Variants in ANKHD1 observed in about 807,000 individuals in gnomAD.
ANKHD1 encodes the protein ankyrin repeat and KH domain-containing protein 1.
Under a neutral mutation model 230.5 loss-of-function variants are expected in ANKHD1, and 31 were observed. That is an observed-to-expected ratio of 0.13 (90% CI 0.10 to 0.18). The LOEUF (loss-of-function observed/expected upper bound fraction) is 0.18, where lower values mean the gene tolerates loss of function less well. ANKHD1 is among the 10% of genes least tolerant of loss of function. ANKHD1 has a pLI of 1.00. For missense variants in ANKHD1, 2,256 were observed against 3,071.3 expected, an observed-to-expected ratio of 0.73 and a Z score of 6.27; for synonymous variants, 1,074 against 1,117.6, an observed-to-expected ratio of 0.96 and a Z score of 0.78.
intron 7 of ANKHD1, among the ~76,000 whole-genome samples, chr5:140,455,368 G>C (rs1775092989): frequency 6.6e-6 from 1 of 152,168 alleles, no homozygotes; most frequent in Non-Finnish European, 1.5e-5. Flanking sequence ...ATTTTATGAG[G>C]CCAGCATCAT....
intron 2 of ANKHD1, among the ~76,000 whole-genome samples, chr5:140,437,700 C>T (rs144311044): frequency 9.9e-4 from 150 of 152,088 alleles, no homozygotes; most frequent in African/African-American, 3.5e-3. Context: ...AGCAAGACTC[C>T]GTCTCAAAAA....
At position 140,510,087 on chromosome 5, in the gene ANKHD1, A is replaced by G. The variant is rs1404183012; in HGVS notation, c.4010A>G (p.His1337Arg). ...CTTTGGCTGGCATCCAATGGAGGTCATTTTGATGTTGTGCAGTTGCTAGTG... is the reference window on the plus strand; with the variant it reads ...CTTTGGCTGGCATCCAATGGAGGTCGTTTTGATGTTGTGCAGTTGCTAGTG... ...TPLWLASNGG[H>R]FDVVQLLVQA... Residue 1337 changes from histidine to arginine, a missense_variant, in exon 22 of 34, where the codon CAT (histidine) becomes CGT (arginine). Physicochemically the swap from His to Arg is conservative, Grantham distance 29. Transcript: ENST00000360839. The G allele has an allele frequency of 1.9e-5, 30 of 1,614,164 alleles. No homozygotes were observed. Among genetic ancestry groups the G allele is most frequent in the Non-Finnish European group, 2.5e-5 (30 of 1,180,030 alleles).
intron 5 of ANKHD1, among the ~76,000 whole-genome samples, chr5:140,444,090 C>G (rs199806030): frequency 1.6e-4 from 10 of 62,624 alleles, no homozygotes; most frequent in South Asian, 7.0e-4. Flanking sequence ...CCCCCCCCCC[C>G]TTTTTTTTTT....
intron 15 of ANKHD1, among the ~76,000 whole-genome samples, chr5:140,499,652 G>A (rs987985875): frequency 2.6e-5 from 4 of 152,038 alleles, no homozygotes; most frequent in South Asian, 2.1e-4. Flanking sequence ...TGTTTGATAC[G>A]TGTCATACAT....
intron 1 of ANKHD1, among the ~76,000 whole-genome samples, chr5:140,422,542 T>A (rs966216943): frequency 6.6e-6 from 1 of 151,998 alleles, no homozygotes; most frequent in Non-Finnish European, 1.5e-5. Flanking sequence ...AAGACATCAG[T>A]CTTCCAGCAC....
intron 25 of ANKHD1, 56 bp downstream of exon 25, chr5:140,524,296 A>G: frequency 6.7e-7 from 1 of 1,497,902 alleles, no homozygotes; most frequent in Non-Finnish European, 8.8e-7. Flanking sequence ...TATCAACTTC[A>G]TTTTGAGTGC....
intron 1 of ANKHD1, among the ~76,000 whole-genome samples, chr5:140,426,830 G>C (rs866654507): frequency 3.9e-5 from 6 of 152,200 alleles, no homozygotes; most frequent in Admixed American, 6.5e-5. Flanking sequence ...CATAGGGTTG[G>C]GGGCAAGGTC....
In ANKHD1 at chr5:140,513,493, A is replaced by G; in HGVS notation, c.4317+14A>G. ...GATCTGGAAAAGGTGAGTGGGAAAA[A>G]TAATTTTCCTTTTTAGAAATTATTG... On this transcript the variant is annotated intron_variant, in intron 24 of 33. Transcript: ENST00000360839. 1 of 1,609,538 alleles carries G rather than the reference A, an allele frequency of 6.2e-7. No individual in the cohort carries two copies. The highest frequency in any genetic ancestry group is 8.5e-7 in the Non-Finnish European group (1 of 1,177,880).
intron 1 of ANKHD1, among the ~76,000 whole-genome samples, chr5:140,427,602 CG>C (rs1772604615): frequency 1.4e-5 from 2 of 139,732 alleles, no homozygotes; most frequent in African/African-American, 5.3e-5. Context: ...GGGGGGCTGA[CG>C]CCCCCACCTC....
chr5:140,407,288 C>G (rs1275722374), intron 1 of ANKHD1, among the ~76,000 whole-genome samples: 2 of 111,448 alleles, frequency 1.8e-5, no homozygotes, highest in African/African-American at 3.2e-5. Context: ...GAGTGAGACT[C>G]CATCTCCAAA....
chr5:140,421,923 A>C (rs1772014206), intron 1 of ANKHD1, among the ~76,000 whole-genome samples: 1 of 152,212 alleles, frequency 6.6e-6, no homozygotes, highest in African/African-American at 2.4e-5. Context: ...TTAGAATTAT[A>C]TGATGATATA....
In ANKHD1 at chr5:140,526,995, T is replaced by C. The variant is rs1233379852; in HGVS notation, c.5008T>C (p.Ser1670Pro). 6.2e-7 allele frequency: 1 copy of C among 1,613,772 alleles called. No homozygotes were observed. Among genetic ancestry groups the C allele is most frequent in the South Asian group, 1.1e-5 (1 of 91,052 alleles). Reference sequence around the variant, plus strand: ...CAAGACAGTGTCATTGCCATTAAGCTCTCCAAACATAAAGCTGAATCTCAC... The same window carrying C: ...CAAGACAGTGTCATTGCCATTAAGCCCTCCAAACATAAAGCTGAATCTCAC... Reference protein sequence around the residue: ...SYKTVSLPLSSPNIKLNLTSP... With the variant: ...SYKTVSLPLSPPNIKLNLTSP... The change falls in exon 27 of 34, where the codon TCT (serine) becomes CCT (proline). Residue 1670 changes from serine to proline, a missense_variant. Around this residue, in one of 13 missense-constraint regions of ANKHD1, gnomAD observed 212 missense variants for 257.3 expected, o/e 0.82. Transcript: ENST00000360839.
chr5:140,486,638 G>A (rs762448204), intron 13 of ANKHD1: 7 of 167,060 alleles, frequency 4.2e-5, no homozygotes, highest in Non-Finnish European at 9.0e-5. Context: ...TTTGAACAAG[G>A]GTAAATTGGC....
intron 10 of ANKHD1, among the ~76,000 whole-genome samples, chr5:140,478,289 A>G (rs1751074781): frequency 1.3e-5 from 2 of 151,886 alleles, no homozygotes; most frequent in African/African-American, 4.8e-5. Context: ...ATGAAGAGTG[A>G]AATTAAAAGC....
chr5:140,479,348 A>G (rs545141949), intron 10 of ANKHD1, among the ~76,000 whole-genome samples: 1 of 152,182 alleles, frequency 6.6e-6, no homozygotes, highest in African/African-American at 2.4e-5. Flanking sequence ...ACAGAAAAAG[A>G]AACATTAAAC....
chr5:140,454,195 AC>A (rs1203111512), intron 7 of ANKHD1, among the ~76,000 whole-genome samples: 1 of 152,210 alleles, frequency 6.6e-6, no homozygotes, highest in Non-Finnish European at 1.5e-5. Flanking sequence ...ATACAGGAGC[AC>A]CCAGATTCAT....
At chr5:140,402,938 A>G (rs1386776205) in intron 1 of ANKHD1, among the ~76,000 whole-genome samples, 2 of 148,498 alleles carry the variant, frequency 1.3e-5, no homozygotes, top group Non-Finnish European at 3.0e-5. Context: ...GCTTGGAGAA[A>G]GTGGGGCAAC....
chr5:140,479,085 G>A (rs886883535), intron 10 of ANKHD1, among the ~76,000 whole-genome samples: 7 of 150,950 alleles, frequency 4.6e-5, no homozygotes, highest in East Asian at 2.0e-4. Flanking sequence ...TGCAAGCTCC[G>A]CCTTCTGGGT....
At chr5:140,446,388 T>C (rs577054915) in intron 6 of ANKHD1, among the ~76,000 whole-genome samples, 22 of 152,340 alleles carry the variant, frequency 1.4e-4, no homozygotes, top group Admixed American at 1.3e-3. Context: ...TGAGACAGAA[T>C]GTCGCTCTGT....
Sources: gnomAD v4.1 joint callset for allele counts (sites outside exome capture counted in the v4.1 genomes callset) on GRCh38, gnomAD v4.1.1 for gene constraint, gnomAD v4.1.1 regional missense constraint, MANE v1.5 for transcripts, NCBI Gene and HGNC (gene_info 2026-07-23, HGNC 2026-07-21) for gene names.